Variants in SUGP2 observed in about 807,000 individuals in gnomAD.
SUGP2 encodes SURP and G-patch domain containing 2, also known as SURP and G-patch domain-containing protein 2.
SUGP2 carries 24 observed loss-of-function variants against 90.5 expected under a neutral mutation model. That is an observed-to-expected ratio of 0.27 (90% CI 0.19 to 0.37). SUGP2 has a LOEUF of 0.37. Ranked by LOEUF, SUGP2 falls within the 10% of genes least tolerant of loss-of-function variation. SUGP2 has a pLI of 1.00. For synonymous variants in SUGP2, 473 were observed against 513.4 expected (o/e 0.92, Z 1.06); for missense variants, 1,233 against 1,363.3 (o/e 0.90, Z 1.51).
rs2058881922 is a variant in SUGP2, at chr19:19,025,400, A to G, written c.948T>C (p.Phe316=). Residue 316 remains phenylalanine (F), a synonymous_variant, in exon 3 of 11, where the codon TTT becomes TTC. Coordinates refer to ENST00000452918, the MANE Select transcript of SUGP2 (RefSeq NM_001017392.5). The stretch of plus-strand genomic sequence containing the variant: ...AAACATCAGACTTATCTATGATGTC[A>G]AAGCTCATCTTTCTTCTGGGGAGCC... ...NLRLPRRKMS[F]DIIDKSDVFS... The G allele has an allele frequency of 4.3e-6, 7 of 1,614,158 alleles. No homozygotes were observed. Among genetic ancestry groups the G allele is most frequent in the East Asian group, 2.2e-5 (1 of 44,884 alleles).
In SUGP2 at chr19:19,004,505, G is replaced by C. The variant is rs752400819; in HGVS notation, c.2592C>G (p.Pro864=). 1.6e-5 allele frequency: 26 copies of C among 1,614,212 alleles called. No homozygotes were observed. The highest frequency in any genetic ancestry group is 2.2e-5 in the Non-Finnish European group (26 of 1,180,030). ...CTGCTTCCCCTTCCATGAGGTCCAC[G>C]GGGCTCTCCTGAGAACCCGTGGTGT... is the stretch of plus-strand genomic sequence containing the variant. ...GGDTTGSQES[P]VDLMEGEAEF... The change falls in exon 7 of 11, where the codon CCC becomes CCG. Residue 864 remains proline, a synonymous_variant. Coordinates refer to ENST00000452918, the MANE Select transcript of SUGP2 (RefSeq NM_001017392.5).
At chr19:19,016,717 T>C (rs2058515358) in intron 4 of SUGP2, among the ~76,000 whole-genome samples, 1 of 152,138 alleles carries the variant, frequency 6.6e-6, no homozygotes. Flanking sequence ...AAAATAAGCA[T>C]AGCAAGAGAC....
chr19:18,998,419 C>A (rs1055702201), intron 8 of SUGP2, among the ~76,000 whole-genome samples: 2 of 151,666 alleles, frequency 1.3e-5, no homozygotes, highest in Non-Finnish European at 3.0e-5. Flanking sequence ...TCCAAAGTCC[C>A]GGGATTACAG....
rs573827438 is a variant in SUGP2, at chr19:18,995,382, C to T, written c.2992-102G>A. 1.7e-5 allele frequency: 23 copies of T among 1,327,432 alleles called. No individual in the cohort carries two copies. The East Asian group carries it at 5.9e-4, about 34-fold the overall frequency. 82.2% of individuals were successfully genotyped at this position (1,327,432 alleles called of 1,614,324 possible). The stretch of plus-strand genomic sequence containing the variant: ...GGAGCCCCTCACCCCCAAATGCCCT[C>T]CTGACTCCCCAGATGCTCAGGCTCA... On this transcript the variant is annotated intron_variant, in intron 8 of 10. Transcript: ENST00000452918.
chr19:19,019,275 G>A, intron 3 of SUGP2, 46 bp from the exon 4 acceptor site: 1 of 1,583,250 alleles, frequency 6.3e-7, no homozygotes, highest in Non-Finnish European at 8.6e-7. Context: ...CTGAATGTGG[G>A]CTCTGAGAAG....
intron 3 of SUGP2, 128 bp downstream of exon 3, chr19:19,024,491 G>T: frequency 1.9e-6 from 2 of 1,074,736 alleles, no homozygotes; most frequent in African/African-American, 1.6e-5. Flanking sequence ...GCCAATGTGC[G>T]TTTTCTACTA....
rs748609863 is a variant in SUGP2, at chr19:19,025,862, A to G, written c.486T>C (p.Tyr162=). The G allele has an allele frequency of 6.2e-6, 10 of 1,614,094 alleles. No homozygotes were observed. The Admixed American group carries it at 1.0e-4, about 16-fold the overall frequency. ...VSQESSWSQE[Y]SFGPSAVLGD... ...CCAAAACTGCAGAGGGACCAAAACT[A>G]TACTCCTGTGACCAAGAGGACTCTT... Residue 162 remains tyrosine (Y), a synonymous_variant, in exon 3 of 11, where the codon TAT becomes TAC. Transcript: ENST00000452918.
At chr19:19,033,786 A>T, upstream of SUGP2, 2 of 247,892 alleles carry the variant, frequency 8.1e-6, no homozygotes. Context: ...GTCCTTGGTT[A>T]TCGTGAGCGT....
At chr19:19,019,311 C>A in intron 3 of SUGP2, 82 bp from the exon 4 acceptor site, 1 of 1,490,522 alleles carries the variant, frequency 6.7e-7, no homozygotes, top group South Asian at 1.3e-5. Flanking sequence ...TAGTTGGGGG[C>A]TTAGTGCTGA....
intron 7 of SUGP2, chr19:19,003,643 A>G (rs1489007028): frequency 1.3e-5 from 2 of 153,000 alleles, no homozygotes; most frequent in Non-Finnish European, 2.9e-5. Context: ...GGTCCACTTG[A>G]AAAGGGTGCG....
At chr19:19,026,455 A>C (rs2058936666) in intron 2 of SUGP2, among the ~76,000 whole-genome samples, 1 of 152,186 alleles carries the variant, frequency 6.6e-6, no homozygotes, top group African/African-American at 2.4e-5. Flanking sequence ...ATAAGCACCA[A>C]GCCTGAGTTT....
intron 6 of SUGP2, among the ~76,000 whole-genome samples, chr19:19,005,837 G>T (rs563522923): frequency 2.3e-5 from 2 of 88,766 alleles, no homozygotes; most frequent in East Asian, 6.7e-4. Flanking sequence ...ACTATACCAG[G>T]CTAACAAACA....
intron 3 of SUGP2, among the ~76,000 whole-genome samples, chr19:19,023,592 G>A (rs769193461): frequency 6.6e-6 from 1 of 152,094 alleles, no homozygotes; most frequent in Non-Finnish European, 1.5e-5. Context: ...ATACCTTGTG[G>A]GGACATGTTG....
At chr19:19,024,564 C>T (rs1390379630) in intron 3 of SUGP2, 55 bp downstream of exon 3, 2 of 1,535,952 alleles carry the variant, frequency 1.3e-6, no homozygotes, top group Non-Finnish European at 1.7e-6. Flanking sequence ...GAATAAAAGA[C>T]ATTACCAAAG....
intron 8 of SUGP2, among the ~76,000 whole-genome samples, chr19:18,997,282 G>C (rs1431376131): frequency 6.6e-6 from 1 of 151,952 alleles, no homozygotes; most frequent in African/African-American, 2.4e-5. Context: ...GAGCCTGGGG[G>C]AGCCAGGGGC....
chr19:19,005,844 AACAC>A (rs67270368), intron 6 of SUGP2, among the ~76,000 whole-genome samples: 24 of 46,400 alleles, frequency 5.2e-4, no homozygotes, highest in South Asian at 2.1e-3. Flanking sequence ...CAGGCTAACA[AACAC>A]ACACACACAC....
At chr19:19,028,833 GGA>G (rs1403510915) in intron 2 of SUGP2, among the ~76,000 whole-genome samples, 3 of 152,180 alleles carry the variant, frequency 2.0e-5, no homozygotes, top group African/African-American at 7.2e-5. Flanking sequence ...TGGGTAGCTG[GGA>G]TTATAGGGGC....
intron 6 of SUGP2, among the ~76,000 whole-genome samples, chr19:19,004,966 GTTACATCA>G (rs1202562389): frequency 6.6e-6 from 1 of 152,188 alleles, no homozygotes; most frequent in South Asian, 2.1e-4. Flanking sequence ...ACCCTTTCTG[GTTACATCA>G]CTGGCCTCTC....
chr19:19,031,718 G>A (rs189225480), intron 1 of SUGP2, among the ~76,000 whole-genome samples: 27 of 151,894 alleles, frequency 1.8e-4, no homozygotes, highest in African/African-American at 5.3e-4. Flanking sequence ...AAAAAAATGC[G>A]TGCTCACAGA....
Sources: gnomAD v4.1 joint callset for allele counts (sites outside exome capture counted in the v4.1 genomes callset) on GRCh38, gnomAD v4.1.1 for gene constraint, MANE v1.5 for transcripts, NCBI Gene and HGNC (gene_info 2026-07-23, HGNC 2026-07-21) for gene names.